The following TMEM223 variants were observed in gnomAD, a reference collection of about 807,000 sequenced individuals.
TMEM223 encodes the protein transmembrane protein 223.
Under a neutral mutation model 14.1 loss-of-function variants are expected in TMEM223, and 14 were observed. The ratio of observed to expected loss-of-function variants is 0.99; its 90% CI spans 0.66 to 1.55. The LOEUF (loss-of-function observed/expected upper bound fraction) is 1.55. TMEM223 is among the 40% of genes most tolerant of loss of function. TMEM223 has a pLI of 0.00. For synonymous variants in TMEM223, 145 were observed against 120.5 expected, an observed-to-expected ratio of 1.20 and a Z score of -1.33; for missense variants, 346 against 269.9, an observed-to-expected ratio of 1.28 and a Z score of -1.97.
downstream of TMEM223, among the ~76,000 whole-genome samples, chr11:62,783,491 A>T (rs1483329422): frequency 1.3e-5 from 2 of 152,062 alleles, no homozygotes; most frequent in East Asian, 1.9e-4. Flanking sequence ...CAAAAAAAAA[A>T]AAAAGTTAGG....
At chr11:62,780,004 G>C (rs2084216908) in intron 1 of TMEM223, among the ~76,000 whole-genome samples, 1 of 125,064 alleles carries the variant, frequency 8.0e-6, no homozygotes. Context: ...TTTAGAGACA[G>C]GGTCTCACTG....
At chr11:62,787,559 GGGA>G, downstream of TMEM223, 1 of 1,516,110 alleles carries the variant, frequency 6.6e-7, no homozygotes, top group South Asian at 1.2e-5. Context: ...AGGTAGGCGG[GGGA>G]GCTGGCCGGT....
chr11:62,778,482 G>T lies in TMEM223; in HGVS notation c.315-3817C>A, dbSNP rs1565187784. On this transcript the variant is annotated intron_variant, in intron 1 of 2. Coordinates refer to the TMEM223 transcript ENST00000528367. Reference sequence around the variant, plus strand: ...ATGGTCTGAGTGGGCGCTGGGCTCTGCATGGAGGGCTCAGAGTTGGAGATG... The same window carrying T: ...ATGGTCTGAGTGGGCGCTGGGCTCTTCATGGAGGGCTCAGAGTTGGAGATG... 23 of 924,552 alleles carry T rather than the reference G, an allele frequency of 2.5e-5. No homozygotes were observed. The South Asian group carries it at 3.4e-4, about 14-fold the overall frequency. The allele number at this position is 924,552 out of a possible 1,614,324, so 57.3% of individuals were successfully genotyped here. A position where few individuals can be genotyped will look rare whatever the true frequency, so the allele number is the denominator to read the frequency against.
chr11:62,782,389 G>A, intron 1 of TMEM223: 1 of 1,569,086 alleles, frequency 6.4e-7, no homozygotes, highest in Admixed American at 1.8e-5. Context: ...AGTGGGTTGG[G>A]GTAAGGAAAT....
chr11:62,786,586 A>G, downstream of TMEM223: 1 of 1,575,570 alleles, frequency 6.3e-7, no homozygotes, highest in Non-Finnish European at 8.6e-7. Flanking sequence ...CCCAGGTGGC[A>G]GGGGGTGCCG....
At chr11:62,774,318 C>T (rs371316073) in intron 2 of TMEM223, among the ~76,000 whole-genome samples, 4 of 152,130 alleles carry the variant, frequency 2.6e-5, no homozygotes, top group East Asian at 3.9e-4. Flanking sequence ...CCTTGTGATC[C>T]GCCTGCCTCG....
At chr11:62,786,837 G>A (rs1171977060), downstream of TMEM223, 5 of 1,600,784 alleles carry the variant, frequency 3.1e-6, no homozygotes, top group African/African-American at 4.0e-5. Flanking sequence ...GGCCGCCCGG[G>A]GACAAGAAGG....
At chr11:62,787,038 G>A (rs1181764319), downstream of TMEM223, 1 of 1,511,058 alleles carries the variant, frequency 6.6e-7, no homozygotes, top group Non-Finnish European at 8.8e-7. Flanking sequence ...CCCGGCAGCA[G>A]GGCCCCGGGA....
At chr11:62,771,950 A>G (rs1241877565) in exon 3 of TMEM223, 4 of 362,854 alleles carry the variant, frequency 1.1e-5, no homozygotes, top group Admixed American at 7.3e-5. Context: ...TCTCCAATCC[A>G]TGTCTTTGGG....
intron 1 of TMEM223, among the ~76,000 whole-genome samples, chr11:62,779,428 C>G (rs2084210895): frequency 6.6e-6 from 1 of 152,000 alleles, no homozygotes; most frequent in Non-Finnish European, 1.5e-5. Flanking sequence ...ATCTCCTGAC[C>G]TTGTGATCCA....
downstream of TMEM223, chr11:62,787,165 A>G: frequency 6.3e-7 from 1 of 1,581,416 alleles, no homozygotes; most frequent in Non-Finnish European, 8.5e-7. Flanking sequence ...CCTTTTCCAG[A>G]CTGCCTTCCC....
downstream of TMEM223, chr11:62,787,333 C>A (rs548299721): frequency 4.9e-5 from 75 of 1,523,552 alleles, no homozygotes; most frequent in East Asian, 1.5e-3. Context: ...ATAAATCCCG[C>A]CCCCGGAAAT....
chr11:62,785,295 G>T (rs900014554), downstream of TMEM223, among the ~76,000 whole-genome samples: 1 of 151,764 alleles, frequency 6.6e-6, no homozygotes, highest in Middle Eastern at 3.2e-3. Context: ...GGGTTCAAGC[G>T]ATTCTCCTGC....
chr11:62,790,158 G>C lies in TMEM223; in HGVS notation c.*465C>G, dbSNP rs2134744255. On this transcript the variant is annotated 3_prime_UTR_variant, in exon 2 of 2. Transcript: ENST00000307366. ...AGTCTTAGTTTTCCTTTCGTTGGGG[G>C]GTGGGGGGGAAACATAATGACAGGC... 7.8e-7 allele frequency: 1 copy of C among 1,282,152 alleles called. No homozygotes were observed. Among genetic ancestry groups the C allele is most frequent in the Non-Finnish European group, 1.0e-6 (1 of 963,648 alleles). 79.4% of individuals were successfully genotyped at this position (1,282,152 alleles called of 1,614,324 possible).
chr11:62,786,256 C>T (rs1439339971), downstream of TMEM223: 1 of 1,609,582 alleles, frequency 6.2e-7, no homozygotes, highest in South Asian at 1.1e-5. Flanking sequence ...TCTCTTCCTT[C>T]CAGGCAGTAG....
chr11:62,787,006 G>T (rs747711132), downstream of TMEM223: 11 of 1,484,348 alleles, frequency 7.4e-6, no homozygotes, highest in South Asian at 1.4e-4. Context: ...CTTGCCGCGC[G>T]TGCATCGGGC....
chr11:62,776,023 G>A (rs2084185912), intron 1 of TMEM223: 5 of 1,436,370 alleles, frequency 3.5e-6, no homozygotes, highest in African/African-American at 2.8e-5. Context: ...AGTGTACACT[G>A]GGTGCCTGCT....
chr11:62,790,395 G>C lies in TMEM223; in HGVS notation c.*228C>G, dbSNP rs1291663184. 2 of 566,930 alleles carry C rather than the reference G, an allele frequency of 3.5e-6. No homozygotes were observed. The highest frequency in any genetic ancestry group is 6.1e-6 in the Non-Finnish European group (2 of 326,058). The allele number at this position is 566,930 out of a possible 1,614,324, so 35.1% of individuals were successfully genotyped here. ...GTTGTTAATGAATCTTGACCTCCTT[G>C]TGTGACCCTGGTTGTTACTCCATTC... On this transcript the variant is annotated 3_prime_UTR_variant, in exon 2 of 2. Transcript: ENST00000307366.
intron 1 of TMEM223, chr11:62,782,298 G>T (rs1405698183): frequency 6.2e-7 from 1 of 1,614,092 alleles, no homozygotes. Flanking sequence ...GGACTCTGCG[G>T]GATGGGGCTG....
Sources: allele counts gnomAD v4.1 joint callset (sites outside exome capture counted in the v4.1 genomes callset), GRCh38; gene constraint gnomAD v4.1.1; transcripts MANE v1.5; gene names NCBI Gene and HGNC (gene_info 2026-07-23, HGNC 2026-07-21).